The following CDH13 variants were observed in gnomAD, a reference collection of about 807,000 sequenced individuals.
The protein encoded by CDH13 is cadherin-13.
A neutral mutation model predicts 63.8 loss-of-function variants in CDH13; 24 were observed. The observed-to-expected ratio is 0.38, with a 90% confidence interval of 0.27 to 0.53. The LOEUF (loss-of-function observed/expected upper bound fraction) is 0.53. CDH13 is among the 20% of genes least tolerant of loss of function. The pLI is 0.85. For missense variants in CDH13, 1,049 were observed against 903.1 expected, an observed-to-expected ratio of 1.16 and a Z score of -2.07; for synonymous variants, 503 against 355.3, an observed-to-expected ratio of 1.42 and a Z score of -4.67.
chr16:82,866,949 G>C (rs1263894883), intron 2 of CDH13, among the ~76,000 whole-genome samples: 1 of 152,206 alleles, frequency 6.6e-6, no homozygotes, highest in Non-Finnish European at 1.5e-5. Context: ...TTCAAGATGA[G>C]ATTTGGGTGG....
At chr16:82,662,569 C>G (rs543695258) in intron 1 of CDH13, among the ~76,000 whole-genome samples, 1 of 152,176 alleles carries the variant, frequency 6.6e-6, no homozygotes, top group Non-Finnish European at 1.5e-5. Flanking sequence ...GGAGTAAATC[C>G]ATCCCCACCA....
At position 83,488,901 on chromosome 16, in the gene CDH13, A is replaced by T. The variant is rs185866283; in HGVS notation, c.960+2246A>T. Among the ~76,000 whole-genome samples the T allele has an allele frequency of 4.1e-3, 628 of 152,330 alleles. 9 individuals are homozygous for T. The highest frequency in any genetic ancestry group is 0.015 in the African/African-American group (612 of 41,586). ...CGGCCTCCCAGTGTGCTGGGATTACAGGGATGAGCCACTGCGCCCGGCCAA... is the reference window on the plus strand; with the variant it reads ...CGGCCTCCCAGTGTGCTGGGATTACTGGGATGAGCCACTGCGCCCGGCCAA... On this transcript the variant is annotated intron_variant, in intron 7 of 13. Coordinates refer to ENST00000567109, the MANE Select transcript of CDH13 (RefSeq NM_001257.5).
chr16:83,649,892 C>T (rs1248285330), intron 8 of CDH13, among the ~76,000 whole-genome samples: 1 of 152,204 alleles, frequency 6.6e-6, no homozygotes. Context: ...CTAACCAGCT[C>T]ACAGCTAAGC....
At position 83,173,465 on chromosome 16, in the gene CDH13, C is replaced by T. The variant is rs536773179; in HGVS notation, c.484-43880C>T. On this transcript the variant is annotated intron_variant, in intron 4 of 13. Coordinates refer to ENST00000567109, the MANE Select transcript of CDH13 (RefSeq NM_001257.5). ...AACCGTGGGTCTCTTTTTATTAAGG[C>T]AAGATCTCTTGGGACTGGTGTTTCT... Among the ~76,000 whole-genome samples the T allele has an allele frequency of 1.7e-4, 26 of 152,106 alleles. No individual in the cohort carries two copies. The South Asian group carries it at 5.2e-3, about 30-fold the overall frequency.
chr16:83,632,270 GT>G (rs61116816), intron 8 of CDH13, among the ~76,000 whole-genome samples: 132,566 of 152,080 alleles, frequency 0.87, 57,866 homozygotes, highest in Middle Eastern at 0.96. Context: ...CTGTAGAGAC[GT>G]GTCCTACAGT....
chr16:82,763,692 G>A lies in CDH13; in HGVS notation c.46-94670G>A, dbSNP rs539213964. Reference sequence around the variant, plus strand: ...TTTTATTTTTATTTTTATTACTCACGTATTTTTTGAAACAGAGTCTCACTA... The same window carrying A: ...TTTTATTTTTATTTTTATTACTCACATATTTTTTGAAACAGAGTCTCACTA... On this transcript the variant is annotated intron_variant, in intron 1 of 13. Coordinates refer to ENST00000567109, the MANE Select transcript of CDH13 (RefSeq NM_001257.5). 7.2e-5 allele frequency among the ~76,000 whole-genome samples: 11 copies of A among 152,004 alleles called. No individual in the cohort carries two copies. In the South Asian group the frequency reaches 1.2e-3, roughly 17 times the overall value.
intron 5 of CDH13, among the ~76,000 whole-genome samples, chr16:83,297,291 G>A (rs888320800): frequency 6.6e-6 from 1 of 152,050 alleles, no homozygotes; most frequent in African/African-American, 2.4e-5. Flanking sequence ...TAATTACCTG[G>A]ATTTGATCAT....
chr16:83,323,187 TTTCTTTCTTTC>T (rs2090274915), intron 5 of CDH13, among the ~76,000 whole-genome samples: 2 of 101,342 alleles, frequency 2.0e-5, no homozygotes, highest in African/African-American at 4.0e-5. Context: ...TCTTTCTTTC[TTTCTTTCTTTC>T]TTTCTTTCTT....
intron 1 of CDH13, among the ~76,000 whole-genome samples, chr16:82,753,002 C>T (rs1176546896): frequency 6.6e-6 from 1 of 152,202 alleles, no homozygotes; most frequent in Non-Finnish European, 1.5e-5. Context: ...TTTGAGTATT[C>T]ATTGCCTTTG....
intron 6 of CDH13, among the ~76,000 whole-genome samples, chr16:83,432,524 C>G (rs779874651): frequency 6.6e-6 from 1 of 152,208 alleles, no homozygotes; most frequent in Non-Finnish European, 1.5e-5. Context: ...ATCCCCTCCT[C>G]TCCTCACCAC....
intron 3 of CDH13, among the ~76,000 whole-genome samples, chr16:83,097,686 A>G (rs1033798765): frequency 6.6e-6 from 1 of 152,220 alleles, no homozygotes; most frequent in African/African-American, 2.4e-5. Context: ...ACTCTAGGTA[A>G]GACAGATGCT....
chr16:82,758,038 C>A (rs923783617), intron 1 of CDH13, among the ~76,000 whole-genome samples: 22 of 152,062 alleles, frequency 1.4e-4, no homozygotes, highest in Non-Finnish European at 2.6e-4. Context: ...ATGGCTTTAC[C>A]TTTCAGGTTA....
At chr16:82,773,606 C>T (rs2035358964) in intron 1 of CDH13, 1 of 152,202 alleles carries the variant, frequency 6.6e-6, no homozygotes, top group Admixed American at 6.5e-5. Flanking sequence ...CAAGTGTCAT[C>T]AATCTCCAAT....
Position 83,154,460 on chromosome 16 carries a change from T to C in CDH13, c.483+28959T>C, listed in dbSNP as rs147048339. ...CATACACCTGTGGTCCCAGCTACTGTGGAGGCTGAGGCAGGAGAATTGCTT... is the reference window on the plus strand; with the variant it reads ...CATACACCTGTGGTCCCAGCTACTGCGGAGGCTGAGGCAGGAGAATTGCTT... On this transcript the variant is annotated intron_variant, in intron 4 of 13. Coordinates refer to ENST00000567109, the MANE Select transcript of CDH13 (RefSeq NM_001257.5). Among the ~76,000 whole-genome samples the C allele has an allele frequency of 1.6e-3, 247 of 150,514 alleles. 1 individual carries two copies. The highest frequency in any genetic ancestry group is 5.9e-3 in the African/African-American group (241 of 40,900).
intron 4 of CDH13, among the ~76,000 whole-genome samples, chr16:83,180,334 A>G (rs2038299254): frequency 6.7e-6 from 1 of 150,160 alleles, no homozygotes; most frequent in African/African-American, 2.4e-5. Context: ...CGATGGATGT[A>G]TTTTTTTTTT....
chr16:83,672,069 G>A (rs1914546380), intron 9 of CDH13, among the ~76,000 whole-genome samples: 1 of 152,210 alleles, frequency 6.6e-6, no homozygotes, highest in African/African-American at 2.4e-5. Context: ...TAGTACCAGT[G>A]GGCAGAGCAG....
At chr16:82,852,830 A>G (rs1438784640) in intron 1 of CDH13, among the ~76,000 whole-genome samples, 2 of 152,192 alleles carry the variant, frequency 1.3e-5, no homozygotes, top group Non-Finnish European at 2.9e-5. Flanking sequence ...CTCTGGCTAA[A>G]CTAACCACAT....
At chr16:83,709,469 G>A (rs573512423) in intron 10 of CDH13, among the ~76,000 whole-genome samples, 3 of 152,302 alleles carry the variant, frequency 2.0e-5, no homozygotes, top group South Asian at 2.1e-4. Flanking sequence ...TAGGGGTGCC[G>A]TGTGTGCACC....
At chr16:82,877,076 A>C (rs2040530875) in intron 2 of CDH13, among the ~76,000 whole-genome samples, 1 of 152,238 alleles carries the variant, frequency 6.6e-6, no homozygotes, top group Non-Finnish European at 1.5e-5. Flanking sequence ...ATACTACCTT[A>C]ACAGAATCTC....
Sources: allele counts gnomAD v4.1 joint callset (sites outside exome capture counted in the v4.1 genomes callset), GRCh38; gene constraint gnomAD v4.1.1; transcripts MANE v1.5; gene names NCBI Gene and HGNC (gene_info 2026-07-23, HGNC 2026-07-21).